MINDY3: variants seen among roughly 807,000 people sequenced by gnomAD.
MINDY3 encodes the protein ubiquitin carboxyl-terminal hydrolase MINDY-3.
Under a neutral mutation model 69.2 loss-of-function variants are expected in MINDY3, and 38 were observed. The observed-to-expected ratio is 0.55, with a 90% CI of 0.42 to 0.72. The LOEUF (loss-of-function observed/expected upper bound fraction) is 0.72, where lower values mean the gene tolerates loss of function less well. MINDY3 is among the 30% of genes least tolerant of loss of function. The pLI, the probability that MINDY3 is intolerant of heterozygous loss-of-function variation, is 0.00. For synonymous variants in MINDY3, 192 were observed against 180.1 expected (o/e 1.07, Z -0.53); for missense variants, 522 against 519.0 (o/e 1.01, Z -0.06).
chr10:15,783,313 A>T (rs1836697443), intron 13 of MINDY3, among the ~76,000 whole-genome samples: 1 of 152,182 alleles, frequency 6.6e-6, no homozygotes, highest in African/African-American at 2.4e-5. Context: ...TGTGACCTGC[A>T]ATCATGAGTC....
intron 1 of MINDY3, among the ~76,000 whole-genome samples, chr10:15,848,846 C>T (rs984222129): frequency 6.6e-6 from 1 of 151,844 alleles, no homozygotes; most frequent in Non-Finnish European, 1.5e-5. Flanking sequence ...ATTTCACCTG[C>T]TTGGGCCTCA....
intron 11 of MINDY3, among the ~76,000 whole-genome samples, chr10:15,792,528 G>A (rs1837498328): frequency 6.6e-6 from 1 of 151,994 alleles, no homozygotes; most frequent in Non-Finnish European, 1.5e-5. Context: ...GGCACAGGGA[G>A]GAGCATTTAT....
chr10:15,839,868 T>C (rs921929083), intron 4 of MINDY3, among the ~76,000 whole-genome samples: 2 of 151,568 alleles, frequency 1.3e-5, no homozygotes, highest in Admixed American at 6.6e-5. Flanking sequence ...ACTGGAAAAA[T>C]TACTAAAATG....
intron 5 of MINDY3, chr10:15,837,912 C>G: frequency 1.1e-6 from 1 of 925,592 alleles, no homozygotes; most frequent in Non-Finnish European, 1.3e-6. Flanking sequence ...TAATATTTAT[C>G]CTACTAGAAA....
intron 14 of MINDY3, among the ~76,000 whole-genome samples, chr10:15,781,902 G>A (rs1388857115): frequency 6.6e-6 from 1 of 152,162 alleles, no homozygotes; most frequent in African/African-American, 2.4e-5. Context: ...ACACTGCCAA[G>A]GGTAACGATC....
At chr10:15,857,278 ACTAG>A (rs1834756352) in intron 1 of MINDY3, among the ~76,000 whole-genome samples, 1 of 152,122 alleles carries the variant, frequency 6.6e-6, no homozygotes, top group African/African-American at 2.4e-5. Context: ...CTTCTGCATG[ACTAG>A]CTGAGTGACT....
chr10:15,841,061 T>C (rs532494102), intron 4 of MINDY3, among the ~76,000 whole-genome samples: 8 of 151,608 alleles, frequency 5.3e-5, no homozygotes, highest in Non-Finnish European at 1.0e-4. Context: ...TGAAATCTTC[T>C]GATGTCCAAA....
chr10:15,857,324 G>A (rs184862836), intron 1 of MINDY3, among the ~76,000 whole-genome samples: 16 of 152,202 alleles, frequency 1.1e-4, no homozygotes, highest in African/African-American at 3.6e-4. Flanking sequence ...ATCTTAAAAT[G>A]AGGCCTGACC....
chr10:15,798,480 T>A (rs1838006505), intron 10 of MINDY3, among the ~76,000 whole-genome samples: 2 of 151,254 alleles, frequency 1.3e-5, no homozygotes, highest in Non-Finnish European at 2.9e-5. Flanking sequence ...TTTTTTTTTT[T>A]AAATACTCTG....
At chr10:15,857,897 A>T (rs771229097) in intron 1 of MINDY3, 11 of 958,322 alleles carry the variant, frequency 1.1e-5, no homozygotes, top group Non-Finnish European at 1.2e-5. Flanking sequence ...CATGCCAAAC[A>T]TCTTACATCT....
At chr10:15,810,446 C>T (rs115726270) in intron 10 of MINDY3, among the ~76,000 whole-genome samples, 2,496 of 152,168 alleles carry the variant, frequency 0.016, 87 homozygotes, top group African/African-American at 0.057. Flanking sequence ...TTCAATAATA[C>T]GGGTGGTTTG....
chr10:15,825,931 C>A (rs113267010), intron 8 of MINDY3, among the ~76,000 whole-genome samples: 2,297 of 152,064 alleles, frequency 0.015, 46 homozygotes, highest in African/African-American at 0.049. Context: ...CTATCCCTAT[C>A]CCATAAAGAA....
intron 8 of MINDY3, among the ~76,000 whole-genome samples, chr10:15,824,576 G>T (rs1242058757): frequency 6.6e-6 from 1 of 152,040 alleles, no homozygotes; most frequent in African/African-American, 2.4e-5. Flanking sequence ...AGGTATAAAT[G>T]GATACTTCAT....
chr10:15,793,430 A>C (rs1837569145), intron 11 of MINDY3, among the ~76,000 whole-genome samples: 1 of 152,170 alleles, frequency 6.6e-6, no homozygotes, highest in African/African-American at 2.4e-5. Context: ...TTGTTTTATA[A>C]GTATGCTTGA....
In MINDY3 at chr10:15,848,656, AAAAAAAG is replaced by A. The variant is rs1322505078; in HGVS notation, c.95-720_95-714del. 9.5e-5 allele frequency among the ~76,000 whole-genome samples: 12 copies of A among 126,744 alleles called. No homozygotes were observed. In the South Asian group the frequency reaches 1.1e-3, roughly 11 times the overall value. 83.1% of individuals were successfully genotyped at this position (126,744 alleles called of 152,430 possible). A position where few individuals can be genotyped will look rare whatever the true frequency, so the allele number is the denominator to read the frequency against. ...CTCAAAAAAAAAAAAAAAAAAAAAA[AAAAAAAG>A]AAAGAAAAATTAAATGGCATTGTAG... On this transcript the variant is annotated intron_variant, in intron 1 of 14. Coordinates refer to ENST00000277632, the MANE Select transcript of MINDY3 (RefSeq NM_024948.4).
intron 1 of MINDY3, among the ~76,000 whole-genome samples, chr10:15,849,343 T>C (rs1834103183): frequency 1.3e-5 from 2 of 151,774 alleles, no homozygotes; most frequent in Admixed American, 1.3e-4. Context: ...TGCCAGCAAA[T>C]GGGCGGCAGG....
intron 8 of MINDY3, among the ~76,000 whole-genome samples, chr10:15,829,912 G>C (rs1365495845): frequency 6.6e-6 from 1 of 152,180 alleles, no homozygotes; most frequent in Non-Finnish European, 1.5e-5. Flanking sequence ...AAACAGCAGA[G>C]GCATAAACTA....
At chr10:15,797,368 T>C (rs191929050) in intron 10 of MINDY3, among the ~76,000 whole-genome samples, 1 of 152,294 alleles carries the variant, frequency 6.6e-6, no homozygotes, top group Admixed American at 6.5e-5. Context: ...CAGTTGTCTC[T>C]CATTTACCAT....
At chr10:15,780,012 A>G (rs755376836) in intron 14 of MINDY3, among the ~76,000 whole-genome samples, 17 of 152,194 alleles carry the variant, frequency 1.1e-4, no homozygotes, top group Non-Finnish European at 2.2e-4. Context: ...AGAAATTCTG[A>G]TGCTGTATAA....
Sources: gnomAD v4.1 joint callset for allele counts (sites outside exome capture counted in the v4.1 genomes callset) on GRCh38, gnomAD v4.1.1 for gene constraint, MANE v1.5 for transcripts, NCBI Gene and HGNC (gene_info 2026-07-23, HGNC 2026-07-21) for gene names.